Variants in HS6ST2 observed in about 807,000 individuals in gnomAD.
The protein encoded by HS6ST2 is heparan-sulfate 6-O-sulfotransferase 2.
Under a neutral mutation model 33.0 loss-of-function variants are expected in HS6ST2, and 17 were observed. The observed-to-expected ratio is 0.52, with a 90% CI of 0.35 to 0.77. The LOEUF (loss-of-function observed/expected upper bound fraction) is 0.77, where lower values mean the gene tolerates loss of function less well. HS6ST2 is among the 30% of genes least tolerant of loss of function. The pLI is 0.01. For missense variants in HS6ST2, 519 were observed against 551.7 expected (o/e 0.94, Z 0.59); for synonymous variants, 248 against 237.1 (o/e 1.05, Z -0.42).
chrX:132,702,800 A>AACAC (rs372993140), intron 3 of HS6ST2, among the ~76,000 whole-genome samples: 1,349 of 108,459 alleles, frequency 0.012, 22 homozygotes, highest in African/African-American at 0.043. Context: ...ATTTCCCTCC[A>AACAC]ACACACACAC....
intron 2 of HS6ST2, among the ~76,000 whole-genome samples, chrX:132,843,006 G>A (rs2065721195): frequency 8.9e-6 from 1 of 111,973 alleles, no homozygotes; most frequent in Non-Finnish European, 1.9e-5. Flanking sequence ...AGGTGCAGTT[G>A]CATTCCAGGC....
intron 3 of HS6ST2, among the ~76,000 whole-genome samples, chrX:132,699,577 A>C: frequency 8.9e-6 from 1 of 112,218 alleles, no homozygotes; most frequent in East Asian, 2.8e-4. Context: ...AAGCATTTAT[A>C]ATTACAACTA....
intron 2 of HS6ST2, among the ~76,000 whole-genome samples, chrX:132,776,093 T>A (rs146890400): frequency 0.037 from 4,089 of 111,712 alleles, 143 homozygotes; most frequent in East Asian, 0.13. Context: ...TTCCAGGTGC[T>A]TGCAACAATT....
intron 2 of HS6ST2, among the ~76,000 whole-genome samples, chrX:132,915,387 A>G (rs748078346): frequency 8.9e-6 from 1 of 112,349 alleles, no homozygotes; most frequent in African/African-American, 3.2e-5. Context: ...TGTTCTTGCA[A>G]GCTTCTAGTG....
intron 2 of HS6ST2, among the ~76,000 whole-genome samples, chrX:132,730,590 G>A (rs753913354): frequency 8.9e-6 from 1 of 112,161 alleles, no homozygotes; most frequent in Non-Finnish European, 1.9e-5. Flanking sequence ...AAAAGCCCAC[G>A]TGGGCAACAA....
intron 2 of HS6ST2, among the ~76,000 whole-genome samples, chrX:132,867,997 A>C (rs988714948): frequency 8.9e-6 from 1 of 112,161 alleles, no homozygotes; most frequent in Non-Finnish European, 1.9e-5. Context: ...GGCAAATTGG[A>C]TAAAGAGTCA....
intron 2 of HS6ST2, among the ~76,000 whole-genome samples, chrX:132,821,778 C>T (rs1212073674): frequency 9.0e-6 from 1 of 111,300 alleles, no homozygotes; most frequent in African/African-American, 3.3e-5. Context: ...ATTGCTTGAG[C>T]CCAGGAGTTT....
At chrX:132,857,029 A>G (rs1297743075) in intron 2 of HS6ST2, among the ~76,000 whole-genome samples, 2 of 112,255 alleles carry the variant, frequency 1.8e-5, no homozygotes, top group African/African-American at 3.2e-5. Context: ...TTATAATGGG[A>G]GAAAATACTT....
chrX:132,700,533 C>CATAT (rs201749878), intron 3 of HS6ST2, among the ~76,000 whole-genome samples: 174 of 102,094 alleles, frequency 1.7e-3, no homozygotes, highest in African/African-American at 5.8e-3. Flanking sequence ...CACATAAGAT[C>CATAT]ATATATATAT....
At chrX:132,800,870 C>G (rs1285940693) in intron 2 of HS6ST2, among the ~76,000 whole-genome samples, 2 of 111,420 alleles carry the variant, frequency 1.8e-5, no homozygotes, top group East Asian at 5.6e-4. Flanking sequence ...TGAGTGAATT[C>G]TCATGACATC....
chrX:132,842,322 A>AT (rs988310643), intron 2 of HS6ST2, among the ~76,000 whole-genome samples: 1 of 111,406 alleles, frequency 9.0e-6, no homozygotes, highest in African/African-American at 3.3e-5. Flanking sequence ...CAGCACATTC[A>AT]TTTTTCACAC....
At chrX:132,892,683 G>GC (rs775239766) in intron 2 of HS6ST2, among the ~76,000 whole-genome samples, 123 of 111,514 alleles carry the variant, frequency 1.1e-3, no homozygotes, top group Non-Finnish European at 1.9e-3. Context: ...GTTGGGCGTG[G>GC]GTGTGCATGT....
rs10545986 is a variant in HS6ST2 at position 132,898,381 on chromosome X, T to TTATATATATATATA, written c.947+58413_947+58426dup. On this transcript the variant is annotated intron_variant, in intron 2 of 4. Coordinates refer to ENST00000370833, the MANE Select transcript of HS6ST2 (RefSeq NM_001394073.1). Reference sequence around the variant, plus strand: ...ATATGCTCTCTTTATCAACATAAGGTTATATATATATATATATATATATAT... The same window carrying TTATATATATATATA: ...ATATGCTCTCTTTATCAACATAAGGTTATATATATATATATATATATATATATATATATATATAT... Among the ~76,000 whole-genome samples, 118 of 89,184 alleles carry TTATATATATATATA rather than the reference T, an allele frequency of 1.3e-3. 1 individual carries two copies. Among genetic ancestry groups the TTATATATATATATA allele is most frequent in the Middle Eastern group, 6.0e-3 (1 of 166 alleles). 77.4% of individuals were successfully genotyped at this position (89,184 alleles called of 115,157 possible).
intron 2 of HS6ST2, among the ~76,000 whole-genome samples, chrX:132,950,792 C>T (rs1053873108): frequency 9.0e-6 from 1 of 111,494 alleles, no homozygotes; most frequent in African/African-American, 3.3e-5. Context: ...GAAACCTTTT[C>T]GTTTTGGCTT....
At chrX:132,907,368 A>G in intron 2 of HS6ST2, 1 of 141,057 alleles carries the variant, frequency 7.1e-6, no homozygotes. Flanking sequence ...CTGTGGCATA[A>G]CGGTGCCATT....
intron 2 of HS6ST2, among the ~76,000 whole-genome samples, chrX:132,710,441 G>T (rs1026576095): frequency 1.8e-5 from 2 of 111,209 alleles, no homozygotes; most frequent in Non-Finnish European, 3.8e-5. Flanking sequence ...ATTGTTAGAG[G>T]TACTGAGGTT....
intron 2 of HS6ST2, among the ~76,000 whole-genome samples, chrX:132,738,023 G>A (rs1602626072): frequency 8.9e-6 from 1 of 112,705 alleles, no homozygotes; most frequent in Admixed American, 9.3e-5. Flanking sequence ...GTCTAGGCCA[G>A]AGCAGGTTTC....
At chrX:132,638,859 C>T (rs1043470932) in intron 4 of HS6ST2, among the ~76,000 whole-genome samples, 2 of 112,031 alleles carry the variant, frequency 1.8e-5, no homozygotes, top group African/African-American at 6.5e-5. Context: ...TATTAGTTCT[C>T]CTTGAAGGAG....
intron 3 of HS6ST2, among the ~76,000 whole-genome samples, chrX:132,702,889 CATA>C (rs1054657212): frequency 9.0e-6 from 1 of 111,559 alleles, no homozygotes; most frequent in Non-Finnish European, 1.9e-5. Flanking sequence ...GTGCCTGGAT[CATA>C]ATAAGTGCTC....
Sources: allele counts gnomAD v4.1 joint callset (sites outside exome capture counted in the v4.1 genomes callset), GRCh38; gene constraint gnomAD v4.1.1; transcripts MANE v1.5; gene names NCBI Gene and HGNC (gene_info 2026-07-23, HGNC 2026-07-21).